Variants in PIP4K2C observed in about 807,000 individuals in gnomAD.
PIP4K2C encodes phosphatidylinositol 5-phosphate 4-kinase type-2 gamma.
A neutral mutation model predicts 45.0 loss-of-function variants in PIP4K2C; 21 were observed. That is an observed-to-expected ratio of 0.47 (90% CI 0.33 to 0.67). The LOEUF (loss-of-function observed/expected upper bound fraction) is 0.67, where lower values mean the gene tolerates loss of function less well. Ranked by LOEUF, PIP4K2C falls within the 30% of genes least tolerant of loss-of-function variation. The probability of loss-of-function intolerance (pLI) is 0.02; values close to 1 mark genes in which losing one functional copy is unlikely to be tolerated. For missense variants in PIP4K2C, 456 were observed against 542.8 expected (o/e 0.84, Z 1.59); for synonymous variants, 201 against 204.8 (o/e 0.98, Z 0.16).
chr12:57,599,264 G>A, intron 5 of PIP4K2C, 53 bp downstream of exon 5: 1 of 1,608,980 alleles, frequency 6.2e-7, no homozygotes, highest in Admixed American at 1.7e-5. Context: ...GCCTGAGAAT[G>A]GGGAAGACCC....
intron 1 of PIP4K2C, 150 bp downstream of exon 1, chr12:57,591,613 C>T: frequency 1.2e-6 from 1 of 849,510 alleles, no homozygotes; most frequent in Non-Finnish European, 1.7e-6. Flanking sequence ...CCCAGGTGTT[C>T]CCCCAGCAGG....
intron 8 of PIP4K2C, 72 bp from the exon 9 acceptor site, chr12:57,601,173 A>G: frequency 6.3e-7 from 1 of 1,590,138 alleles, no homozygotes; most frequent in Non-Finnish European, 8.6e-7. Context: ...GCTTTTCAGA[A>G]CAAAACTGAC....
chr12:57,597,153 G>A (rs1053692305), intron 4 of PIP4K2C, among the ~76,000 whole-genome samples: 4 of 152,210 alleles, frequency 2.6e-5, no homozygotes, highest in African/African-American at 4.8e-5. Flanking sequence ...TGCAAGGGGC[G>A]TGATATATTT....
intron 7 of PIP4K2C, 100 bp downstream of exon 7, chr12:57,600,537 T>G (rs1228665700): frequency 7.9e-6 from 7 of 883,972 alleles, no homozygotes; most frequent in Non-Finnish European, 1.2e-5. Context: ...TCCCCTTCCC[T>G]TTATTCTTCA....
rs1191991041 is a variant in PIP4K2C at position 57,602,956 on chromosome 12, T to A, written c.*1350T>A. The stretch of plus-strand genomic sequence containing the variant: ...CCTCCATCCCCCTTGAGGCTTCCAC[T>A]TTTTTTTTTTTTAGACATAAAGCTG... On this transcript the variant is annotated 3_prime_UTR_variant, in exon 10 of 10. Transcript: ENST00000354947. 1 of 128,800 alleles carries A rather than the reference T, an allele frequency of 7.8e-6. No individual in the cohort carries two copies. The highest frequency in any genetic ancestry group is 1.7e-5 in the Non-Finnish European group (1 of 60,068). 8.0% of individuals were successfully genotyped at this position (128,800 alleles called of 1,614,324 possible).
At position 57,591,253 on chromosome 12, in the gene PIP4K2C, G is replaced by C; in HGVS notation, c.-37G>C. ...GGGGTCGGGCGCCTGGATAGCTGCCGGCTCCGGCTTCCACTTGGTCGGTTG... is the reference window on the plus strand; with the variant it reads ...GGGGTCGGGCGCCTGGATAGCTGCCCGCTCCGGCTTCCACTTGGTCGGTTG... On this transcript the variant is annotated 5_prime_UTR_variant, in exon 1 of 10. Coordinates refer to ENST00000354947, the MANE Select transcript of PIP4K2C (RefSeq NM_024779.5). 1 of 1,569,822 alleles carries C rather than the reference G, an allele frequency of 6.4e-7. No homozygotes were observed. Among genetic ancestry groups the C allele is most frequent in the African/African-American group, 1.4e-5 (1 of 73,316 alleles).
rs778311995 is a variant in PIP4K2C, at chr12:57,601,236, C to T, written c.1082-9C>T. 6.2e-6 allele frequency: 10 copies of T among 1,608,946 alleles called. No individual in the cohort carries two copies. Among genetic ancestry groups the T allele is most frequent in the Middle Eastern group, 1.7e-4 (1 of 6,048 alleles). On this transcript the variant is annotated splice_polypyrimidine_tract_variant and intron_variant, in intron 8 of 9. Coordinates refer to ENST00000354947, the MANE Select transcript of PIP4K2C (RefSeq NM_024779.5). Reference sequence around the variant, plus strand: ...TAAACCTACTCTGAATTGTTGGTCTCTCTCCCAGGAGCCCCCCAGAAGGAG... The same window carrying T: ...TAAACCTACTCTGAATTGTTGGTCTTTCTCCCAGGAGCCCCCCAGAAGGAG...
chr12:57,599,898 G>C (rs1035214924), intron 6 of PIP4K2C, among the ~76,000 whole-genome samples: 2 of 152,126 alleles, frequency 1.3e-5, no homozygotes, highest in African/African-American at 4.8e-5. Context: ...ACAAAAATTA[G>C]CCGGGCGTGG....
At chr12:57,597,003 C>A (rs1326864931) in intron 4 of PIP4K2C, among the ~76,000 whole-genome samples, 1 of 152,078 alleles carries the variant, frequency 6.6e-6, no homozygotes, top group Non-Finnish European at 1.5e-5. Flanking sequence ...GGCACAGAGC[C>A]ATGAGAGAAC....
chr12:57,601,598 T>C lies in PIP4K2C; in HGVS notation c.1258T>C (p.Phe420Leu), dbSNP rs903037340. ...KRFLDFITNIFA is the reference protein window; with the variant it reads ...KRFLDFITNILA ...ATTCCTGGATTTTATTACCAACATCTTTGCCTAAGAGACTGCCTGGTTCTC... is the reference window on the plus strand; with the variant it reads ...ATTCCTGGATTTTATTACCAACATCCTTGCCTAAGAGACTGCCTGGTTCTC... Residue 420 changes from phenylalanine to leucine, a missense_variant, in exon 10 of 10, where the codon TTT becomes CTT. Phe to Leu is a conservative substitution (Grantham distance 22, BLOSUM62 0). Coordinates refer to ENST00000354947, the MANE Select transcript of PIP4K2C (RefSeq NM_024779.5). 7.5e-6 allele frequency: 12 copies of C among 1,608,800 alleles called. No individual in the cohort carries two copies. In the African/African-American group the frequency reaches 1.6e-4, roughly 22 times the overall value.
At chr12:57,595,474 G>A (rs138481368) in intron 3 of PIP4K2C, among the ~76,000 whole-genome samples, 79 of 152,326 alleles carry the variant, frequency 5.2e-4, no homozygotes, top group African/African-American at 1.9e-3. Flanking sequence ...GGAGGCCGAG[G>A]CGGGCAGATC....
At position 57,603,408 on chromosome 12, in the gene PIP4K2C, T is replaced by C. The variant is rs1883535069; in HGVS notation, c.*1802T>C. 2 of 151,848 alleles carry C rather than the reference T, an allele frequency of 1.3e-5. No homozygotes were observed. Among genetic ancestry groups the C allele is most frequent in the South Asian group, 4.2e-4 (2 of 4,808 alleles). 9.4% of individuals were successfully genotyped at this position (151,848 alleles called of 1,614,324 possible). On this transcript the variant is annotated 3_prime_UTR_variant, in exon 10 of 10. Transcript: ENST00000354947. ...CTATAATAATACAGGGAATAAATTA[T>C]TCAATCCAAATTTCTGTACAGAAAT...
chr12:57,599,944 TGAGGTGG>T (rs1352789971), intron 6 of PIP4K2C, among the ~76,000 whole-genome samples: 1 of 151,418 alleles, frequency 6.6e-6, no homozygotes, highest in Non-Finnish European at 1.5e-5. Context: ...CTTGGGAGGC[TGAGGTGG>T]GAGAATCACT....
intron 1 of PIP4K2C, among the ~76,000 whole-genome samples, chr12:57,592,073 G>A (rs549393635): frequency 6.6e-6 from 1 of 152,144 alleles, no homozygotes; most frequent in Non-Finnish European, 1.5e-5. Context: ...CAGGACTTAT[G>A]TATATATGCC....
At position 57,600,048 on chromosome 12, in the gene PIP4K2C, CA is replaced by C. The variant is rs56278212; in HGVS notation, c.700-255del. ...CAACAGAGTGATCGAGATCCTATCTCAAAAAAAAAAAAAAAAAAAAAGAGGA... is the reference window on the plus strand; with the variant it reads ...CAACAGAGTGATCGAGATCCTATCTCAAAAAAAAAAAAAAAAAAAAGAGGA... On this transcript the variant is annotated intron_variant, in intron 6 of 9. Transcript: ENST00000354947. 4.6e-3 allele frequency among the ~76,000 whole-genome samples: 641 copies of C among 139,392 alleles called. 16 individuals are homozygous for C. In the East Asian group the frequency reaches 0.065, roughly 14 times the overall value. The allele number at this position is 139,392 out of a possible 152,430, so 91.4% of individuals were successfully genotyped here.
At chr12:57,600,492 A>T (rs1448445629) in intron 7 of PIP4K2C, 55 bp downstream of exon 7, 1 of 1,221,158 alleles carries the variant, frequency 8.2e-7, no homozygotes, top group African/African-American at 1.5e-5. Flanking sequence ...CCTAGAGGGT[A>T]GTTGTCTCTT....
intron 1 of PIP4K2C, among the ~76,000 whole-genome samples, chr12:57,593,259 G>A (rs180690985): frequency 7.6e-4 from 115 of 152,212 alleles, no homozygotes; most frequent in Non-Finnish European, 1.5e-3. Context: ...GAGAAAGCAC[G>A]GCTCAGGATT....
rs368437479 is a variant in PIP4K2C, at chr12:57,600,872, G to A, written c.875G>A (p.Arg292Gln). The change falls in exon 8 of 10, where the codon CGG becomes CAG. Residue 292 changes from arginine (R) to glutamine (Q), a missense_variant. This residue lies in a region of PIP4K2C where 421 missense variants were observed against 473.1 expected (regional missense o/e 0.89). Coordinates refer to ENST00000354947, the MANE Select transcript of PIP4K2C (RefSeq NM_024779.5). ...CTGCTAGGCATCCACGACATCATTC[G>A]GGGCTCTGAACCAGAGGAGGAAGCG... The part of the protein sequence containing the change: ...SLLLGIHDII[R>Q]GSEPEEEAPV... 18 of 1,614,038 alleles carry A rather than the reference G, an allele frequency of 1.1e-5. No homozygotes were observed. Among genetic ancestry groups the A allele is most frequent in the Non-Finnish European group, 1.4e-5 (17 of 1,180,050 alleles).
chr12:57,595,954 G>C lies in PIP4K2C; in HGVS notation c.436G>C (p.Asp146His). The change falls in exon 4 of 10, where the codon GAT becomes CAT. Residue 146 changes from aspartate (D) to histidine (H), a missense_variant. Asp to His is a moderately conservative substitution (Grantham distance 81). Around this residue, in one of 2 missense-constraint regions of PIP4K2C, gnomAD observed 421 missense variants for 473.1 expected, o/e 0.89. Coordinates refer to ENST00000354947, the MANE Select transcript of PIP4K2C (RefSeq NM_024779.5). ...GSDGRFLISY[D>H]RTLVIKEVSS... is the part of the protein sequence containing the mutation. The stretch of plus-strand genomic sequence containing the variant: ...TGATGGTCGCTTCCTTATCTCCTAC[G>C]ATCGGACTCTGGTCATCAAAGAAGT... 1 of 1,613,880 alleles carries C rather than the reference G, an allele frequency of 6.2e-7. No homozygotes were observed.
Sources: gnomAD v4.1 joint callset for allele counts (sites outside exome capture counted in the v4.1 genomes callset) on GRCh38, gnomAD v4.1.1 for gene constraint, gnomAD v4.1.1 regional missense constraint, MANE v1.5 for transcripts, NCBI Gene and HGNC (gene_info 2026-07-23, HGNC 2026-07-21) for gene names.